SPIB: variants seen among roughly 807,000 people sequenced by gnomAD.
The protein encoded by SPIB is Spi-B transcription factor, also known as transcription factor Spi-B.
In SPIB, 7 loss-of-function variants were observed where a neutral mutation model predicts 31.9. That is an observed-to-expected ratio of 0.22 (90% CI 0.12 to 0.41). The LOEUF is 0.41. SPIB is among the 10% of genes least tolerant of loss of function. The pLI is 1.00. For missense variants in SPIB, 327 were observed against 360.2 expected (o/e 0.91, Z 0.75); for synonymous variants, 176 against 158.9 (o/e 1.11, Z -0.81).
Position 50,422,470 on chromosome 19 carries a change from C to T in SPIB, c.52-3C>T. 6.2e-7 allele frequency: 1 copy of T among 1,613,920 alleles called. No individual in the cohort carries two copies. Among genetic ancestry groups the T allele is most frequent in the Non-Finnish European group, 8.5e-7 (1 of 1,179,842 alleles). ...CCCTCTTCCCTCCTGCACCCCGTAT[C>T]AGTACCCAGATGGCGTCTTCTATGA... On this transcript the variant is annotated splice_polypyrimidine_tract_variant and splice_region_variant and intron_variant, in intron 2 of 5. Coordinates refer to ENST00000595883, the MANE Select transcript of SPIB (RefSeq NM_003121.5).
In SPIB at chr19:50,419,632, G is replaced by A. The variant is rs138290130; in HGVS notation, c.24-314G>A. 6.2e-3 allele frequency among the ~76,000 whole-genome samples: 939 copies of A among 152,072 alleles called. 17 individuals carry two copies. Among genetic ancestry groups the A allele is most frequent in the Admixed American group, 4.2e-3 (64 of 15,278 alleles). ...ACTCAACTGACTCGCCACCAAGGCC[G>A]CACTTGACCCAGGCCCCCTCTCCAT... On this transcript the variant is annotated intron_variant, in intron 1 of 5. Coordinates refer to ENST00000595883, the MANE Select transcript of SPIB (RefSeq NM_003121.5).
Position 50,428,935 on chromosome 19 carries a change from T to A in SPIB, c.*599T>A, listed in dbSNP as rs1408767929. The A allele has an allele frequency of 6.6e-6, 1 of 152,396 alleles. No homozygotes were observed. The highest frequency in any genetic ancestry group is 1.9e-4 in the East Asian group (1 of 5,202). The allele number at this position is 152,396 out of a possible 1,614,324, so 9.4% of individuals were successfully genotyped here. On this transcript the variant is annotated 3_prime_UTR_variant, in exon 6 of 6. Coordinates refer to ENST00000595883, the MANE Select transcript of SPIB (RefSeq NM_003121.5). This position sits in a 1 kb window ranked among gnomAD's most constrained non-coding sequence, Gnocchi z 6.5. ...AGATCCCCCAATTCTCTGGAACTAT[T>A]CTGCTGCCCCTTTTTATGTGTCTGG...
At chr19:50,427,938 AG>A in intron 5 of SPIB, 99 bp from the exon 6 acceptor site, 1 of 1,279,970 alleles carries the variant, frequency 7.8e-7, no homozygotes, top group Non-Finnish European at 1.0e-6. Flanking sequence ...TTTCAGATCC[AG>A]GAGATGGAGG....
rs2039636426 is a variant in SPIB, at chr19:50,431,139, A to G, written c.*2803A>G. On this transcript the variant is annotated 3_prime_UTR_variant, in exon 6 of 6. Coordinates refer to ENST00000595883, the MANE Select transcript of SPIB (RefSeq NM_003121.5). ...CAGAGACACCGTGACATCACGGGTG[A>G]TGATGAGAGGAGTTCAAAGAGAGAA... 1 of 152,176 alleles carries G rather than the reference A, an allele frequency of 6.6e-6. No individual in the cohort carries two copies. The highest frequency in any genetic ancestry group is 2.1e-4 in the South Asian group (1 of 4,828). The allele number at this position is 152,176 out of a possible 1,614,324, so 9.4% of individuals were successfully genotyped here.
At chr19:50,421,934 G>C (rs566862746) in intron 2 of SPIB, among the ~76,000 whole-genome samples, 1 of 152,244 alleles carries the variant, frequency 6.6e-6, no homozygotes, top group East Asian at 1.9e-4. Context: ...ATTTTTAGTA[G>C]AGACGGGATT....
In SPIB at chr19:50,428,699, C is replaced by G. The variant is rs1454684688; in HGVS notation, c.*363C>G. On this transcript the variant is annotated 3_prime_UTR_variant, in exon 6 of 6. Transcript: ENST00000595883. The surrounding 1 kb of genome is among the most constrained non-coding windows in gnomAD (Gnocchi z 6.5). ...TGTGATATCTGATTCCCCAGTGAGG[C>G]CTGGGACGTTTTTAAGATCGCTGTG... is the stretch of plus-strand genomic sequence containing the variant. 3.8e-6 allele frequency: 1 copy of G among 265,070 alleles called. No homozygotes were observed. The highest frequency in any genetic ancestry group is 2.2e-5 in the African/African-American group (1 of 45,420). 16.4% of individuals were successfully genotyped at this position (265,070 alleles called of 1,614,324 possible). A position where few individuals can be genotyped will look rare whatever the true frequency, so the allele number is the denominator to read the frequency against.
chr19:50,429,225 C>G lies in SPIB; in HGVS notation c.*889C>G, dbSNP rs1203659356. On this transcript the variant is annotated 3_prime_UTR_variant, in exon 6 of 6. Transcript: ENST00000595883. ...CCTAGTGCCACTCCCTATGGCCATG[C>G]TGAAGACCACTCTGGCCACGCGACT... is the stretch of plus-strand genomic sequence containing the variant. 2 of 152,254 alleles carry G rather than the reference C, an allele frequency of 1.3e-5. No homozygotes were observed. The highest frequency in any genetic ancestry group is 4.8e-5 in the African/African-American group (2 of 41,452). The allele number at this position is 152,254 out of a possible 1,614,324, so 9.4% of individuals were successfully genotyped here.
intron 1 of SPIB, 197 bp from the exon 2 acceptor site, chr19:50,419,749 A>G (rs1031638355): frequency 6.2e-6 from 3 of 486,074 alleles, no homozygotes; most frequent in South Asian, 3.7e-5. Flanking sequence ...GGAGGGGGAC[A>G]TTTGCCTCCC....
Position 50,422,483 on chromosome 19 carries a change from G to A in SPIB, c.62G>A (p.Gly21Asp), listed in dbSNP as rs200555920. 5.9e-4 allele frequency: 957 copies of A among 1,613,942 alleles called. 2 individuals are homozygous for A. The highest frequency in any genetic ancestry group is 1.7e-3 in the Middle Eastern group (10 of 6,060). Residue 21 changes from glycine (G) to aspartate (D), a missense_variant, in exon 3 of 6, where the codon GGC (glycine) becomes GAC (aspartate). By Grantham distance (94) the Gly-to-Asp change is moderately conservative. Around this residue, in one of 4 missense-constraint regions of SPIB, gnomAD observed 238 missense variants for 228.8 expected, o/e 1.04. Coordinates refer to ENST00000595883, the MANE Select transcript of SPIB (RefSeq NM_003121.5). Reference sequence around the variant, plus strand: ...TGCACCCCGTATCAGTACCCAGATGGCGTCTTCTATGACCTGGACAGCTGC... The same window carrying A: ...TGCACCCCGTATCAGTACCCAGATGACGTCTTCTATGACCTGGACAGCTGC... ...GPHFSCLYPD[G>D]VFYDLDSCKH...
intron 5 of SPIB, among the ~76,000 whole-genome samples, chr19:50,425,010 A>T (rs565613501): frequency 6.6e-6 from 1 of 151,818 alleles, no homozygotes; most frequent in African/African-American, 2.4e-5. Context: ...TAATTAATTA[A>T]TTAATTTATT....
intron 2 of SPIB, among the ~76,000 whole-genome samples, chr19:50,421,043 G>C (rs1197346204): frequency 6.6e-6 from 1 of 152,140 alleles, no homozygotes; most frequent in East Asian, 1.9e-4. Context: ...TTGCTGTATA[G>C]TACTCTATCT....
chr19:50,421,554 C>A (rs1234361523), intron 2 of SPIB, among the ~76,000 whole-genome samples: 2 of 151,820 alleles, frequency 1.3e-5, no homozygotes, highest in Admixed American at 6.6e-5. Flanking sequence ...ATCTCCTGAC[C>A]TCATGATCTG....
chr19:50,427,540 C>T (rs1402487117), intron 5 of SPIB, among the ~76,000 whole-genome samples: 2 of 152,124 alleles, frequency 1.3e-5, no homozygotes, highest in African/African-American at 2.4e-5. Flanking sequence ...CAAACTAAAC[C>T]CTAGGAGCCC....
intron 5 of SPIB, among the ~76,000 whole-genome samples, chr19:50,427,305 A>G (rs1349096786): frequency 6.6e-6 from 1 of 152,182 alleles, no homozygotes; most frequent in African/African-American, 2.4e-5. Flanking sequence ...TGGGCGGATC[A>G]CCTGAGGCCA....
rs2039614571 is a variant in SPIB at position 50,429,574 on chromosome 19, GT to G, written c.*1239del. 1 of 152,390 alleles carries G rather than the reference GT, an allele frequency of 6.6e-6. No homozygotes were observed. Among genetic ancestry groups the G allele is most frequent in the African/African-American group, 2.4e-5 (1 of 41,430 alleles). The allele number at this position is 152,390 out of a possible 1,614,324, so 9.4% of individuals were successfully genotyped here. ...CAAAAACAATTAGCCGAGCGTGGGG[GT>G]GAACACCTGTGGTCCCAGCTGCTCA... On this transcript the variant is annotated 3_prime_UTR_variant, in exon 6 of 6. Coordinates refer to ENST00000595883, the MANE Select transcript of SPIB (RefSeq NM_003121.5).
At chr19:50,426,555 A>C (rs896975312) in intron 5 of SPIB, among the ~76,000 whole-genome samples, 2 of 152,086 alleles carry the variant, frequency 1.3e-5, no homozygotes, top group Admixed American at 6.5e-5. Flanking sequence ...GTGCAATGAT[A>C]TGATTTCAGC....
chr19:50,420,197 A>AT (rs1381495453), intron 2 of SPIB, among the ~76,000 whole-genome samples: 1 of 152,078 alleles, frequency 6.6e-6, no homozygotes, highest in African/African-American at 2.4e-5. Context: ...CTCTCTGCCC[A>AT]TCCCATATTC....
chr19:50,422,521 T>C lies in SPIB; in HGVS notation c.100T>C (p.Tyr34His), dbSNP rs761775109. 8.1e-6 allele frequency: 13 copies of C among 1,613,914 alleles called. No homozygotes were observed. The Admixed American group carries it at 1.7e-4, about 21-fold the overall frequency. The stretch of plus-strand genomic sequence containing the variant: ...CCTGGACAGCTGCAAGCATTCCAGC[T>C]ACCCTGATTCAGAGGGGGCTCCTGG... ...YDLDSCKHSS[Y>H]PDSEGAPDSL... is the part of the protein sequence containing the mutation. Residue 34 changes from tyrosine (Y) to histidine (H), a missense_variant, in exon 3 of 6, where the codon TAC (tyrosine) becomes CAC (histidine). Coordinates refer to ENST00000595883, the MANE Select transcript of SPIB (RefSeq NM_003121.5).
intron 5 of SPIB, 71 bp downstream of exon 5, chr19:50,423,826 T>A: frequency 1.3e-6 from 2 of 1,517,082 alleles, no homozygotes; most frequent in Non-Finnish European, 1.8e-6. Context: ...CACCATGGCT[T>A]CCTGGGCCTC....
Sources: allele counts gnomAD v4.1 joint callset (sites outside exome capture counted in the v4.1 genomes callset), GRCh38; gene constraint gnomAD v4.1.1; regional missense constraint gnomAD v4.1.1; non-coding constraint Gnocchi (gnomAD v3.1); transcripts MANE v1.5; gene names NCBI Gene and HGNC (gene_info 2026-07-23, HGNC 2026-07-21).